CPEB4: variants seen among roughly 807,000 people sequenced by gnomAD.
CPEB4 encodes the protein cytoplasmic polyadenylation element binding protein 4, also known as cytoplasmic polyadenylation element-binding protein 4.
In CPEB4, 12 loss-of-function variants were observed where a neutral mutation model predicts 72.5. That is an observed-to-expected ratio of 0.17 (90% CI 0.11 to 0.27). The LOEUF (loss-of-function observed/expected upper bound fraction) is 0.27, where lower values mean the gene tolerates loss of function less well. Among genes scored for constraint, CPEB4 ranks in the 10% least tolerant of loss-of-function variants. The pLI is 1.00. For missense variants in CPEB4, 614 were observed against 908.5 expected, an observed-to-expected ratio of 0.68 and a Z score of 4.17; for synonymous variants, 302 against 326.3, an observed-to-expected ratio of 0.93 and a Z score of 0.80.
intron 2 of CPEB4, among the ~76,000 whole-genome samples, chr5:173,915,429 C>G (rs1756832994): frequency 6.6e-6 from 1 of 152,122 alleles, no homozygotes; most frequent in Non-Finnish European, 1.5e-5. Context: ...CCTGTCCTTT[C>G]TCTGGTCAGC....
intron 3 of CPEB4, among the ~76,000 whole-genome samples, chr5:173,937,790 T>G (rs781723226): frequency 2.0e-5 from 3 of 152,236 alleles, no homozygotes; most frequent in Non-Finnish European, 4.4e-5. Context: ...ATAAGGAAAC[T>G]AGAGTTGCAT....
At chr5:173,932,022 C>A (rs1187681993) in intron 2 of CPEB4, among the ~76,000 whole-genome samples, 1 of 152,130 alleles carries the variant, frequency 6.6e-6, no homozygotes, top group Non-Finnish European at 1.5e-5. Flanking sequence ...GAAATTAAAC[C>A]CATTAGCCTG....
At chr5:173,929,566 G>T (rs1265365523) in intron 2 of CPEB4, among the ~76,000 whole-genome samples, 2 of 152,104 alleles carry the variant, frequency 1.3e-5, no homozygotes, top group African/African-American at 4.8e-5. Context: ...AGGCATGGTG[G>T]CATGCATTGG....
At chr5:173,898,807 G>C (rs976021573) in intron 1 of CPEB4, among the ~76,000 whole-genome samples, 1 of 152,174 alleles carries the variant, frequency 6.6e-6, no homozygotes, top group African/African-American at 2.4e-5. Flanking sequence ...CTCTCCAGTA[G>C]CTGGGACTAC....
intron 3 of CPEB4, 60 bp downstream of exon 3, chr5:173,932,560 C>A: frequency 7.9e-7 from 1 of 1,271,250 alleles, no homozygotes; most frequent in East Asian, 2.4e-5. Flanking sequence ...AGTTGTGCTT[C>A]AGCAGTGGAG....
intron 7 of CPEB4, among the ~76,000 whole-genome samples, chr5:173,951,174 T>C (rs1485039380): frequency 6.6e-6 from 1 of 152,190 alleles, no homozygotes; most frequent in Non-Finnish European, 1.5e-5. Flanking sequence ...TCTGTTGGTG[T>C]GCATATTTGG....
intron 1 of CPEB4, among the ~76,000 whole-genome samples, chr5:173,906,583 C>T (rs6556093): frequency 0.3 from 45,002 of 152,066 alleles, 7,009 homozygotes; most frequent in South Asian, 0.47. Flanking sequence ...TTATACCTTG[C>T]AGCAGTCTGT....
intron 1 of CPEB4, among the ~76,000 whole-genome samples, chr5:173,903,096 G>C (rs939982400): frequency 6.6e-6 from 1 of 151,982 alleles, no homozygotes; most frequent in African/African-American, 2.4e-5. Context: ...TTAAGATATG[G>C]GGTATATGGA....
chr5:173,908,724 C>G (rs1014089968), intron 1 of CPEB4, among the ~76,000 whole-genome samples: 2 of 152,080 alleles, frequency 1.3e-5, no homozygotes, highest in African/African-American at 4.8e-5. Context: ...CCTCTGTCAG[C>G]TTAGATGTTC....
intron 2 of CPEB4, chr5:173,910,898 A>G: frequency 3.8e-6 from 1 of 264,980 alleles, no homozygotes; most frequent in Non-Finnish European, 7.1e-6. Flanking sequence ...TTTATATCTC[A>G]GGCAATAACT....
Position 173,894,942 on chromosome 5 carries a change from A to T in CPEB4, c.1125+4084A>T, listed in dbSNP as rs1045326814. Among the ~76,000 whole-genome samples, 4 of 152,196 alleles carry T rather than the reference A, an allele frequency of 2.6e-5. 1 individual carries two copies. Among genetic ancestry groups the T allele is most frequent in the African/African-American group, 4.8e-5 (2 of 41,434 alleles). On this transcript the variant is annotated intron_variant, in intron 1 of 9. Coordinates refer to ENST00000265085, the MANE Select transcript of CPEB4 (RefSeq NM_030627.4). ...TATTGAAAGGGGAAAATAATTGAGTATACTTGTTTATCAACTTTAAATGTT... is the reference window on the plus strand; with the variant it reads ...TATTGAAAGGGGAAAATAATTGAGTTTACTTGTTTATCAACTTTAAATGTT...
In CPEB4 at chr5:173,953,304, A is replaced by G. The variant is rs1159454248; in HGVS notation, c.1962+32A>G. The stretch of plus-strand genomic sequence containing the variant: ...CTTATACTACATTTTGGAAAATTCT[A>G]GAAATGGTCCTCTAAATGTGTGATT... On this transcript the variant is annotated intron_variant, in intron 9 of 9. Coordinates refer to ENST00000265085, the MANE Select transcript of CPEB4 (RefSeq NM_030627.4). 6 of 1,422,204 alleles carry G rather than the reference A, an allele frequency of 4.2e-6. No individual in the cohort carries two copies. In the East Asian group the frequency reaches 9.3e-5, roughly 22 times the overall value. The allele number at this position is 1,422,204 out of a possible 1,614,324, so 88.1% of individuals were successfully genotyped here.
Position 173,960,579 on chromosome 5 carries a change from G to A in CPEB4, c.*4442G>A, listed in dbSNP as rs904834369. ...TCTTTTTATTTGTAGCCTTCAATAT[G>A]TATACAGGGAGTAAGCCCAGGATCT... On this transcript the variant is annotated 3_prime_UTR_variant, in exon 10 of 10. Transcript: ENST00000265085. 6.6e-6 allele frequency: 1 copy of A among 152,322 alleles called. No individual in the cohort carries two copies. Among genetic ancestry groups the A allele is most frequent in the African/African-American group, 2.4e-5 (1 of 41,550 alleles). 9.4% of individuals were successfully genotyped at this position (152,322 alleles called of 1,614,324 possible).
At chr5:173,898,234 G>T (rs911945152) in intron 1 of CPEB4, among the ~76,000 whole-genome samples, 1 of 151,750 alleles carries the variant, frequency 6.6e-6, no homozygotes, top group African/African-American at 2.4e-5. Flanking sequence ...GTTCTTCCAG[G>T]TATTCTTGAG....
At chr5:173,894,407 G>C (rs946786164) in intron 1 of CPEB4, among the ~76,000 whole-genome samples, 1 of 152,004 alleles carries the variant, frequency 6.6e-6, no homozygotes, top group Non-Finnish European at 1.5e-5. Flanking sequence ...GATCACTTGA[G>C]GTCAAGAGTT....
chr5:173,890,864 A>G lies in CPEB4; in HGVS notation c.1125+6A>G. On this transcript the variant is annotated splice_donor_region_variant and intron_variant, in intron 1 of 9. Transcript: ENST00000265085. ...ACAACATTTTTCCTTTTCCGGTAAG[A>G]TTATGTTCCATTAATAGATTAGGAT... 6.3e-7 allele frequency: 1 copy of G among 1,596,506 alleles called. No individual in the cohort carries two copies. The highest frequency in any genetic ancestry group is 1.7e-5 in the Admixed American group (1 of 58,460).
At chr5:173,954,244 C>T (rs894069190) in intron 9 of CPEB4, among the ~76,000 whole-genome samples, 2 of 152,080 alleles carry the variant, frequency 1.3e-5, no homozygotes, top group Non-Finnish European at 2.9e-5. Context: ...ATGTCATGTA[C>T]AGTCTACTTC....
At chr5:173,945,282 T>C (rs1581164439) in intron 5 of CPEB4, 142 bp downstream of exon 5, 2 of 670,240 alleles carry the variant, frequency 3.0e-6, no homozygotes, top group Non-Finnish European at 4.9e-6. Flanking sequence ...CCTCCTATCA[T>C]GGCATATAAG....
rs1755695934 is a variant in CPEB4, at chr5:173,888,685, TTTTTTTCCTC to T, written c.-1040_-1031del. On this transcript the variant is annotated 5_prime_UTR_variant, in exon 1 of 10. Transcript: ENST00000265085. The surrounding 1 kb of genome is among the most constrained non-coding windows in gnomAD (Gnocchi z 4.3). Reference sequence around the variant, plus strand: ...AATAACTACGGTAGTGGGTTTTTCCTTTTTTTCCTCTTTTTTCCCTCTCTGCGGAGAATCG... The same window carrying T: ...AATAACTACGGTAGTGGGTTTTTCCTTTTTTTCCCTCTCTGCGGAGAATCG... 3 of 393,778 alleles carry T rather than the reference TTTTTTTCCTC, an allele frequency of 7.6e-6. No homozygotes were observed. The highest frequency in any genetic ancestry group is 4.5e-6 in the Non-Finnish European group (1 of 222,680). 24.4% of individuals were successfully genotyped at this position (393,778 alleles called of 1,614,324 possible). A position where few individuals can be genotyped will look rare whatever the true frequency, so the allele number is the denominator to read the frequency against.
Sources: gnomAD v4.1 joint callset for allele counts (sites outside exome capture counted in the v4.1 genomes callset) on GRCh38, gnomAD v4.1.1 for gene constraint, Gnocchi (gnomAD v3.1) non-coding constraint, MANE v1.5 for transcripts, NCBI Gene and HGNC (gene_info 2026-07-23, HGNC 2026-07-21) for gene names.